SULT2B1: variants seen among roughly 807,000 people sequenced by gnomAD.
SULT2B1 encodes sulfotransferase family 2B member 1.
In SULT2B1, 16 loss-of-function variants were observed where a neutral mutation model predicts 33.2. That is an observed-to-expected ratio of 0.48 (90% CI 0.33 to 0.73). The LOEUF is 0.73. Ranked by LOEUF, SULT2B1 falls within the 30% of genes least tolerant of loss-of-function variation. The probability of loss-of-function intolerance (pLI) is 0.02; values close to 1 mark genes in which losing one functional copy is unlikely to be tolerated. For synonymous variants in SULT2B1, 186 were observed against 200.5 expected, an observed-to-expected ratio of 0.93 and a Z score of 0.61; for missense variants, 500 against 506.0, an observed-to-expected ratio of 0.99 and a Z score of 0.11.
At chr19:48,596,584 C>A (rs536695042) in intron 5 of SULT2B1, 155 bp from the exon 6 acceptor site, 2 of 779,386 alleles carry the variant, frequency 2.6e-6, no homozygotes, top group East Asian at 5.4e-5. Context: ...GGCGATATAG[C>A]CCAACCCCTC....
chr19:48,570,499 T>C (rs1601094036), intron 1 of SULT2B1, among the ~76,000 whole-genome samples: 2 of 151,598 alleles, frequency 1.3e-5, no homozygotes, highest in Admixed American at 1.3e-4. Flanking sequence ...CATCGCTGAG[T>C]AGTATCGCAT....
At chr19:48,564,894 G>A (rs1180647817) in intron 1 of SULT2B1, among the ~76,000 whole-genome samples, 3 of 151,884 alleles carry the variant, frequency 2.0e-5, no homozygotes, top group Non-Finnish European at 4.4e-5. Flanking sequence ...AGGTTCAAGC[G>A]ATTCTTCTGC....
rs540867980 is a variant in SULT2B1, at chr19:48,586,416, G to A, written c.215-813G>A. 2.4e-4 allele frequency among the ~76,000 whole-genome samples: 37 copies of A among 152,254 alleles called. 1 individual carries two copies. The highest frequency in any genetic ancestry group is 3.4e-3 in the Middle Eastern group (1 of 294). On this transcript the variant is annotated intron_variant, in intron 2 of 6. Coordinates refer to ENST00000201586, the MANE Select transcript of SULT2B1 (RefSeq NM_177973.2). ...TCCATCTTATGGCTCTGCCATCCCC[G>A]GGAGTCCCAGATTCTCCCCTGGAGT...
chr19:48,570,865 G>GGCGCCCGCCACC (rs1446869546), intron 1 of SULT2B1, among the ~76,000 whole-genome samples: 2 of 151,654 alleles, frequency 1.3e-5, no homozygotes, highest in African/African-American at 2.4e-5. Flanking sequence ...TGGGACTACA[G>GGCGCCCGCCACC]GCGCCCGCCA....
chr19:48,575,844 A>C, intron 1 of SULT2B1, 97 bp from the exon 2 acceptor site: 1 of 1,533,442 alleles, frequency 6.5e-7, no homozygotes, highest in Non-Finnish European at 8.8e-7. Flanking sequence ...GGCTCTGAGG[A>C]GGAAGTTCCT....
intron 1 of SULT2B1, among the ~76,000 whole-genome samples, chr19:48,559,103 G>C (rs1398022931): frequency 6.6e-6 from 1 of 152,138 alleles, no homozygotes; most frequent in African/African-American, 2.4e-5. Context: ...AGGGGCTTCG[G>C]GGCCAGCACT....
chr19:48,575,833 A>G, intron 1 of SULT2B1, 108 bp from the exon 2 acceptor site: 1 of 1,521,208 alleles, frequency 6.6e-7, no homozygotes, highest in African/African-American at 1.4e-5. Flanking sequence ...AGAGGGACTG[A>G]GGCTCTGAGG....
In SULT2B1 at chr19:48,560,869, G is replaced by A. The variant is rs375245772; in HGVS notation, c.71+8546G>A. Among the ~76,000 whole-genome samples, 13 of 152,092 alleles carry A rather than the reference G, an allele frequency of 8.5e-5. No homozygotes were observed. In the East Asian group the frequency reaches 9.7e-4, roughly 11 times the overall value. On this transcript the variant is annotated intron_variant, in intron 1 of 6. Transcript: ENST00000201586. ...CCCAGCACTTTGGGAGGCCGAGGTG[G>A]GCCTATCATTTGAACCCGGGAGGCA...
chr19:48,587,525 C>A, intron 3 of SULT2B1, 88 bp downstream of exon 3: 1 of 1,446,228 alleles, frequency 6.9e-7, no homozygotes, highest in Non-Finnish European at 9.6e-7. Context: ...TTGATTCATT[C>A]AGCACCTATT....
intron 1 of SULT2B1, among the ~76,000 whole-genome samples, chr19:48,564,325 G>T (rs942301949): frequency 6.6e-6 from 1 of 151,520 alleles, no homozygotes; most frequent in African/African-American, 2.4e-5. Context: ...AGGCCGAGGC[G>T]GGCGGATCAC....
chr19:48,585,718 T>G (rs1568411464), intron 2 of SULT2B1, among the ~76,000 whole-genome samples: 2 of 151,868 alleles, frequency 1.3e-5, no homozygotes. Context: ...TTAGGAGATA[T>G]ACCTAATGTT....
intron 1 of SULT2B1, among the ~76,000 whole-genome samples, chr19:48,565,335 GGT>G (rs1235852787): frequency 2.0e-5 from 3 of 150,808 alleles, no homozygotes; most frequent in South Asian, 2.1e-4. Flanking sequence ...TTTATGGGGG[GGT>G]GTGTGTGTGT....
intron 2 of SULT2B1, among the ~76,000 whole-genome samples, chr19:48,586,412 C>T (rs1973562079): frequency 6.6e-6 from 1 of 152,168 alleles, no homozygotes; most frequent in Admixed American, 6.6e-5. Flanking sequence ...GCTCTGCCAT[C>T]CCCGGGAGTC....
intron 2 of SULT2B1, among the ~76,000 whole-genome samples, chr19:48,579,373 C>T (rs1190898775): frequency 6.6e-6 from 1 of 150,964 alleles, no homozygotes; most frequent in African/African-American, 2.4e-5. Context: ...AACTCCGCCT[C>T]CCGAGTTCAC....
chr19:48,593,614 ATTTT>A (rs1171805010), intron 5 of SULT2B1, among the ~76,000 whole-genome samples: 1 of 151,184 alleles, frequency 6.6e-6, no homozygotes, highest in Non-Finnish European at 1.5e-5. Context: ...GTTTTTATTT[ATTTT>A]TATTTATTTT....
At chr19:48,593,800 A>C (rs866173131) in intron 5 of SULT2B1, among the ~76,000 whole-genome samples, 18 of 149,384 alleles carry the variant, frequency 1.2e-4, no homozygotes, top group African/African-American at 4.2e-4. Flanking sequence ...ACGCCCGGCT[A>C]ATTTTGCATT....
chr19:48,552,207 G>A lies in SULT2B1; in HGVS notation c.-46G>A, dbSNP rs368873977. 187 of 1,593,564 alleles carry A rather than the reference G, an allele frequency of 1.2e-4. 1 individual carries two copies. The African/African-American group carries it at 1.6e-3, about 14-fold the overall frequency. Reference sequence around the variant, plus strand: ...GCTGCGCACACCTGGCCTCTGTGCCGCCTGCTCCCTGCTCGTCCTCCCCTC... The same window carrying A: ...GCTGCGCACACCTGGCCTCTGTGCCACCTGCTCCCTGCTCGTCCTCCCCTC... On this transcript the variant is annotated 5_prime_UTR_variant, in exon 1 of 7. Coordinates refer to ENST00000201586, the MANE Select transcript of SULT2B1 (RefSeq NM_177973.2). This position sits in a 1 kb window ranked among gnomAD's most constrained non-coding sequence, Gnocchi z 4.8.
intron 6 of SULT2B1, among the ~76,000 whole-genome samples, chr19:48,598,500 G>A (rs1178592095): frequency 6.6e-6 from 1 of 152,116 alleles, no homozygotes; most frequent in Non-Finnish European, 1.5e-5. Context: ...GCTGAGGCAG[G>A]AGAATCGCTT....
At chr19:48,580,100 CTTTTTT>C (rs35197699) in intron 2 of SULT2B1, among the ~76,000 whole-genome samples, 1 of 142,234 alleles carries the variant, frequency 7.0e-6, no homozygotes, top group African/African-American at 2.6e-5. Context: ...ATTAAAAAAA[CTTTTTT>C]TTTTTTTCAC....
Sources: gnomAD v4.1 joint callset for allele counts (sites outside exome capture counted in the v4.1 genomes callset) on GRCh38, gnomAD v4.1.1 for gene constraint, Gnocchi (gnomAD v3.1) non-coding constraint, MANE v1.5 for transcripts, NCBI Gene and HGNC (gene_info 2026-07-23, HGNC 2026-07-21) for gene names.